NCOR1: variants seen among roughly 807,000 people sequenced by gnomAD.
NCOR1 encodes the protein protein phosphatase 1, regulatory subunit 109.
A neutral mutation model predicts 288.1 loss-of-function variants in NCOR1; 63 were observed. The observed-to-expected ratio is 0.22, with a 90% confidence interval of 0.18 to 0.27. NCOR1 has a LOEUF of 0.27. NCOR1 is among the 10% of genes least tolerant of loss of function. The pLI is 1.00. For missense variants in NCOR1, 2,397 were observed against 3,019.2 expected, an observed-to-expected ratio of 0.79 and a Z score of 4.83; for synonymous variants, 1,007 against 1,065.9, an observed-to-expected ratio of 0.94 and a Z score of 1.08.
Position 16,086,434 on chromosome 17 carries a change from G to A in NCOR1, c.3025C>T (p.Pro1009Ser), listed in dbSNP as rs1003104459. 3.7e-6 allele frequency: 6 copies of A among 1,610,218 alleles called. No individual in the cohort carries two copies. Among genetic ancestry groups the A allele is most frequent in the African/African-American group, 1.3e-5 (1 of 74,746 alleles). The change falls in exon 23 of 46, where the codon CCT (proline) becomes TCT (serine). Residue 1009 changes from proline to serine, a missense_variant. By Grantham distance (74) the Pro-to-Ser change is moderately conservative. This residue lies in a region of NCOR1 where 1,872 missense variants were observed against 2,187.8 expected (regional missense o/e 0.86). Transcript: ENST00000268712. ...SPNREWEVLQ[P>S]APHQVITNLP... ...TTAGTTATCACTTGATGTGGAGCAG[G>A]CTGAAGGACTTTTAAAAGGAAAGAA... is the stretch of plus-strand genomic sequence containing the variant.
intron 21 of NCOR1, among the ~76,000 whole-genome samples, chr17:16,095,764 G>A (rs1467994891): frequency 4.8e-5 from 7 of 146,012 alleles, no homozygotes; most frequent in South Asian, 2.2e-4. Context: ...GCCTCTGCCC[G>A]GCTGCCCCTA....
At chr17:16,176,200 C>G (rs1375744368) in intron 3 of NCOR1, among the ~76,000 whole-genome samples, 1 of 152,040 alleles carries the variant, frequency 6.6e-6, no homozygotes, top group Non-Finnish European at 1.5e-5. Context: ...GCCTGAACAA[C>G]AAGAGCAAAA....
Position 16,127,381 on chromosome 17 carries a change from G to GTATGTATATATACATGTATGTATA in NCOR1, c.1510-1176_1510-1175insTATACATACATGTATATATACATA, listed in dbSNP as rs2074557869. Among the ~76,000 whole-genome samples the GTATGTATATATACATGTATGTATA allele has an allele frequency of 1.5e-5, 2 of 129,540 alleles. 1 individual carries two copies. Among genetic ancestry groups the GTATGTATATATACATGTATGTATA allele is most frequent in the Non-Finnish European group, 3.3e-5 (2 of 60,862 alleles). The allele number at this position is 129,540 out of a possible 152,430, so 85.0% of individuals were successfully genotyped here. ...TGTATATATACATGTATGTATATAT[G>GTATGTATATATACATGTATGTATA]TATGTATATATACATGTGTATATGT... On this transcript the variant is annotated intron_variant, in intron 14 of 45. Coordinates refer to ENST00000268712, the MANE Select transcript of NCOR1 (RefSeq NM_006311.4).
chr17:16,069,667 C>T (rs2061524209), intron 31 of NCOR1, among the ~76,000 whole-genome samples: 1 of 152,158 alleles, frequency 6.6e-6, no homozygotes, highest in Non-Finnish European at 1.5e-5. Flanking sequence ...CATGTACTAC[C>T]TTATTTGATC....
At position 16,039,479 on chromosome 17, in the gene NCOR1, G is replaced by T; in HGVS notation, c.6909C>A (p.Thr2303=). The part of the protein sequence containing the change: ...VPGTANTSVV[T]SGETRREEGD... Reference sequence around the variant, plus strand: ...CTTCCTCTCTTCGTGTCTCACCACTGGTCACAACTGAGGTGTTGGCAGTAC... The same window carrying T: ...CTTCCTCTCTTCGTGTCTCACCACTTGTCACAACTGAGGTGTTGGCAGTAC... Residue 2303 remains threonine, a synonymous_variant, in exon 44 of 46, where the codon ACC becomes ACA. Coordinates refer to ENST00000268712, the MANE Select transcript of NCOR1 (RefSeq NM_006311.4). The T allele has an allele frequency of 1.2e-6, 2 of 1,614,004 alleles. No individual in the cohort carries two copies. The highest frequency in any genetic ancestry group is 2.7e-5 in the African/African-American group (2 of 74,974).
At chr17:16,117,012 T>G (rs1162389460) in intron 18 of NCOR1, among the ~76,000 whole-genome samples, 1 of 152,248 alleles carries the variant, frequency 6.6e-6, no homozygotes. Context: ...GATATTTTTA[T>G]GAAAACAGTC....
At chr17:16,213,627 C>A (rs1178078790) in intron 1 of NCOR1, among the ~76,000 whole-genome samples, 1 of 152,010 alleles carries the variant, frequency 6.6e-6, no homozygotes, top group Non-Finnish European at 1.5e-5. Flanking sequence ...TACAGGAGCC[C>A]AGAGGGAGCT....
chr17:16,139,838 A>G (rs952746177), intron 11 of NCOR1, among the ~76,000 whole-genome samples: 2 of 152,186 alleles, frequency 1.3e-5, no homozygotes, highest in African/African-American at 4.8e-5. Context: ...ACTTCTATTT[A>G]AAAGCTTTTA....
At chr17:16,102,384 G>A (rs1205535362) in intron 19 of NCOR1, among the ~76,000 whole-genome samples, 5 of 152,050 alleles carry the variant, frequency 3.3e-5, no homozygotes, top group Non-Finnish European at 7.4e-5. Context: ...CTGGGTTCAA[G>A]CGATTCTCCT....
intron 21 of NCOR1, among the ~76,000 whole-genome samples, chr17:16,092,684 TATATATA>T (rs1441693859): frequency 4.6e-3 from 83 of 18,134 alleles, no homozygotes; most frequent in African/African-American, 6.8e-3. Flanking sequence ...TATATATATA[TATATATA>T]TATATTTTTT....
At chr17:16,091,128 C>A (rs1204424137) in intron 22 of NCOR1, among the ~76,000 whole-genome samples, 1 of 152,156 alleles carries the variant, frequency 6.6e-6, no homozygotes, top group East Asian at 1.9e-4. Context: ...AACGGACCAA[C>A]TCAAATCCAT....
intron 15 of NCOR1, among the ~76,000 whole-genome samples, chr17:16,123,005 A>G (rs2073307675): frequency 6.6e-6 from 1 of 152,100 alleles, no homozygotes; most frequent in Non-Finnish European, 1.5e-5. Flanking sequence ...CATTCTCATA[A>G]GTTCTACCGG....
chr17:16,145,058 C>T (rs997817636), intron 10 of NCOR1, among the ~76,000 whole-genome samples: 5 of 152,234 alleles, frequency 3.3e-5, no homozygotes, highest in African/African-American at 9.6e-5. Flanking sequence ...CGCCACCACG[C>T]CTGACTGGTT....
In NCOR1 at chr17:16,165,140, G is replaced by A. The variant is rs747557072; in HGVS notation, c.457C>T (p.His153Tyr). ...AKKDPAFGGK[H>Y]EAPSSPISGQ... ...GAAATTGGAGAGGATGGAGCTTCATGTTTGCCTCCGAATGCTGGATCCTTT... is the reference window on the plus strand; with the variant it reads ...GAAATTGGAGAGGATGGAGCTTCATATTTGCCTCCGAATGCTGGATCCTTT... The change falls in exon 5 of 46, where the codon CAT becomes TAT. Residue 153 changes from histidine (H) to tyrosine (Y), a missense_variant. His to Tyr is a moderately conservative substitution (Grantham distance 83). Coordinates refer to ENST00000268712, the MANE Select transcript of NCOR1 (RefSeq NM_006311.4). The A allele has an allele frequency of 1.3e-6, 2 of 1,597,528 alleles. No homozygotes were observed. The highest frequency in any genetic ancestry group is 1.8e-5 in the Admixed American group (1 of 55,244).
chr17:16,106,931 C>T (rs112893807), intron 19 of NCOR1, among the ~76,000 whole-genome samples: 3,756 of 123,466 alleles, frequency 0.03, 192 homozygotes, highest in African/African-American at 0.11. Context: ...CTCGCTCTGT[C>T]GCCCAGGCTG....
At chr17:16,146,887 A>G (rs1352437092) in intron 9 of NCOR1, among the ~76,000 whole-genome samples, 1 of 152,236 alleles carries the variant, frequency 6.6e-6, no homozygotes, top group Non-Finnish European at 1.5e-5. Context: ...ATGGAAAATT[A>G]AAAATACAAA....
At chr17:16,160,935 T>A (rs1039303713) in intron 5 of NCOR1, among the ~76,000 whole-genome samples, 4 of 151,900 alleles carry the variant, frequency 2.6e-5, no homozygotes, top group African/African-American at 7.3e-5. Context: ...GAAAAAAATT[T>A]AAAAAAATAA....
chr17:16,066,892 G>A (rs59647552), intron 32 of NCOR1, among the ~76,000 whole-genome samples: 3,878 of 152,246 alleles, frequency 0.025, 162 homozygotes, highest in African/African-American at 0.088. Flanking sequence ...GGACCAAAGT[G>A]AGGCACAAGT....
At chr17:16,161,326 T>TCCC (rs2080829545) in intron 5 of NCOR1, among the ~76,000 whole-genome samples, 1 of 152,072 alleles carries the variant, frequency 6.6e-6, no homozygotes, top group Non-Finnish European at 1.5e-5. Flanking sequence ...TCTCACTCTT[T>TCCC]TTGCCCAGGC....
Sources: allele counts gnomAD v4.1 joint callset (sites outside exome capture counted in the v4.1 genomes callset), GRCh38; gene constraint gnomAD v4.1.1; regional missense constraint gnomAD v4.1.1; transcripts MANE v1.5; gene names NCBI Gene and HGNC (gene_info 2026-07-23, HGNC 2026-07-21).